ETFA: variants seen among roughly 807,000 people sequenced by gnomAD.
The protein encoded by ETFA is electron transfer flavoprotein subunit alpha, mitochondrial.
In ETFA, 22 loss-of-function variants were observed where a neutral mutation model predicts 46.2. The observed-to-expected ratio is 0.48, with a 90% CI of 0.34 to 0.68. The LOEUF (loss-of-function observed/expected upper bound fraction) is 0.68, where lower values mean the gene tolerates loss of function less well. ETFA is among the 30% of genes least tolerant of loss of function. The pLI is 0.01. For missense variants in ETFA, 345 were observed against 401.1 expected, an observed-to-expected ratio of 0.86 and a Z score of 1.19; for synonymous variants, 131 against 139.9, an observed-to-expected ratio of 0.94 and a Z score of 0.45.
chr15:76,252,555 G>A (rs1217801019), intron 9 of ETFA, among the ~76,000 whole-genome samples: 2 of 152,196 alleles, frequency 1.3e-5, no homozygotes, highest in Non-Finnish European at 2.9e-5. Context: ...CAGAGGATCT[G>A]CCTAAGACTG....
chr15:76,261,676 G>T, intron 9 of ETFA: 1 of 357,928 alleles, frequency 2.8e-6, no homozygotes, highest in Non-Finnish European at 5.0e-6. Context: ...GCCCCATGCT[G>T]TGCCTCAGCA....
chr15:76,274,003 C>A, intron 9 of ETFA: 1 of 205,798 alleles, frequency 4.9e-6, no homozygotes, highest in South Asian at 8.4e-5. Context: ...AACTGTCATT[C>A]ACAGCTCCCA....
intron 10 of ETFA, 33 bp downstream of exon 10, chr15:76,231,300 C>A (rs758599978): frequency 7.2e-7 from 1 of 1,397,410 alleles, no homozygotes; most frequent in African/African-American, 1.4e-5. Flanking sequence ...AATGTGGAAA[C>A]GTTTTCTTTT....
At chr15:76,305,986 T>C (rs1342117719) in intron 1 of ETFA, among the ~76,000 whole-genome samples, 1 of 151,998 alleles carries the variant, frequency 6.6e-6, no homozygotes, top group Non-Finnish European at 1.5e-5. Flanking sequence ...TAGCTGTGAC[T>C]ACAGGCACAT....
At chr15:76,295,936 C>CCT (rs2039816100) in intron 1 of ETFA, among the ~76,000 whole-genome samples, 199 bp from the exon 2 acceptor site, 2 of 46,600 alleles carry the variant, frequency 4.3e-5, no homozygotes, top group African/African-American at 1.3e-4. Context: ...CACTAATATT[C>CCT]TTTTTTTTTT....
chr15:76,288,222 T>G (rs1302600627), intron 4 of ETFA, among the ~76,000 whole-genome samples: 1 of 152,172 alleles, frequency 6.6e-6, no homozygotes, highest in Non-Finnish European at 1.5e-5. Flanking sequence ...GATATGAAAT[T>G]TAATAAACAT....
At chr15:76,250,836 C>T (rs1042365157) in intron 9 of ETFA, among the ~76,000 whole-genome samples, 9 of 152,022 alleles carry the variant, frequency 5.9e-5, no homozygotes, top group Admixed American at 6.6e-5. Flanking sequence ...CCACCATGCC[C>T]AGCCAGTAAT....
chr15:76,282,093 G>C (rs910747461), intron 8 of ETFA, among the ~76,000 whole-genome samples: 2 of 151,810 alleles, frequency 1.3e-5, no homozygotes, highest in Non-Finnish European at 2.9e-5. Context: ...TGGTACAGAT[G>C]GGGTTTCACC....
intron 2 of ETFA, 115 bp downstream of exon 2, chr15:76,295,476 A>G (rs886779500): frequency 9.2e-6 from 8 of 873,126 alleles, no homozygotes; most frequent in Non-Finnish European, 1.6e-5. Flanking sequence ...TGACCATTTA[A>G]TGAGGATTAG....
intron 9 of ETFA, among the ~76,000 whole-genome samples, chr15:76,252,748 T>C (rs2039310857): frequency 6.6e-6 from 1 of 152,130 alleles, no homozygotes; most frequent in Non-Finnish European, 1.5e-5. Context: ...AAAATTGGGA[T>C]ATGGTATATA....
intron 9 of ETFA, among the ~76,000 whole-genome samples, chr15:76,267,234 G>A (rs2039478555): frequency 1.3e-5 from 2 of 152,200 alleles, no homozygotes; most frequent in Admixed American, 6.5e-5. Context: ...ATCTGGTTGA[G>A]TGGCTTTTTC....
chr15:76,309,375 C>T (rs148369921), intron 1 of ETFA, among the ~76,000 whole-genome samples: 323 of 152,266 alleles, frequency 2.1e-3, no homozygotes, highest in African/African-American at 7.7e-3. Context: ...GGCGTGAACC[C>T]GGGAGGCGGA....
At chr15:76,265,012 G>C (rs373286238) in intron 9 of ETFA, among the ~76,000 whole-genome samples, 1 of 152,156 alleles carries the variant, frequency 6.6e-6, no homozygotes, top group Admixed American at 6.5e-5. Context: ...GCCTGCCTTC[G>C]GCCCCTCAAC....
At chr15:76,234,843 G>A (rs2039107806) in intron 9 of ETFA, among the ~76,000 whole-genome samples, 2 of 152,168 alleles carry the variant, frequency 1.3e-5, no homozygotes, top group African/African-American at 4.8e-5. Context: ...AGTACTGGCA[G>A]AAAAAAGCAC....
chr15:76,251,220 G>A (rs2039294753), intron 9 of ETFA, among the ~76,000 whole-genome samples: 1 of 152,120 alleles, frequency 6.6e-6, no homozygotes, highest in South Asian at 2.1e-4. Flanking sequence ...GTAACTAATG[G>A]AACACTGTCT....
chr15:76,278,317 C>T (rs954610380), intron 8 of ETFA, among the ~76,000 whole-genome samples: 2 of 152,204 alleles, frequency 1.3e-5, no homozygotes, highest in Admixed American at 6.5e-5. Context: ...CCTCTGACCC[C>T]ACTGTAATCT....
At chr15:76,225,034 G>A (rs1484976291) in intron 11 of ETFA, among the ~76,000 whole-genome samples, 3 of 152,078 alleles carry the variant, frequency 2.0e-5, no homozygotes, top group East Asian at 3.9e-4. Context: ...CCCTACACTC[G>A]TCAGCTAAGG....
At chr15:76,294,064 G>A (rs114589812) in intron 2 of ETFA, among the ~76,000 whole-genome samples, 4 of 152,294 alleles carry the variant, frequency 2.6e-5, no homozygotes, top group Non-Finnish European at 4.4e-5. Flanking sequence ...GTATAAAACC[G>A]AACTCTATTA....
chr15:76,308,498 G>A (rs942949907), intron 1 of ETFA, among the ~76,000 whole-genome samples: 1 of 152,138 alleles, frequency 6.6e-6, no homozygotes, highest in Non-Finnish European at 1.5e-5. Context: ...TTCCCACCAA[G>A]AATACATGAC....
Sources: gnomAD v4.1 joint callset for allele counts (sites outside exome capture counted in the v4.1 genomes callset) on GRCh38, gnomAD v4.1.1 for gene constraint, MANE v1.5 for transcripts, NCBI Gene and HGNC (gene_info 2026-07-23, HGNC 2026-07-21) for gene names.